The following CDH13 variants were observed in gnomAD, a reference collection of about 807,000 sequenced individuals.
CDH13 encodes the protein cadherin 13.
CDH13 carries 24 observed loss-of-function variants against 63.8 expected under a neutral mutation model. The observed-to-expected ratio is 0.38, with a 90% CI of 0.27 to 0.53. CDH13 has a LOEUF of 0.53. Among genes scored for constraint, CDH13 ranks in the 20% least tolerant of loss-of-function variants. CDH13 has a pLI of 0.85. For missense variants in CDH13, 1,049 were observed against 903.1 expected (o/e 1.16, Z -2.07); for synonymous variants, 503 against 355.3 (o/e 1.42, Z -4.67).
chr16:82,631,358 C>T (rs1032785266), intron 1 of CDH13, among the ~76,000 whole-genome samples: 6 of 152,132 alleles, frequency 3.9e-5, no homozygotes, highest in African/African-American at 1.4e-4. Context: ...GATAACCTTC[C>T]CCCTTACATA....
chr16:82,745,911 C>T (rs2034141462), intron 1 of CDH13, among the ~76,000 whole-genome samples: 1 of 152,022 alleles, frequency 6.6e-6, no homozygotes, highest in African/African-American at 2.4e-5. Flanking sequence ...TACCAAGTCA[C>T]TAATATTTTT....
chr16:82,667,007 G>GC (rs748170001), intron 1 of CDH13, among the ~76,000 whole-genome samples: 4 of 152,142 alleles, frequency 2.6e-5, no homozygotes, highest in Non-Finnish European at 5.9e-5. Context: ...TTGCCCTACT[G>GC]CTTGCAAGCC....
chr16:83,071,785 T>C (rs1490498159), intron 3 of CDH13, among the ~76,000 whole-genome samples: 1 of 152,190 alleles, frequency 6.6e-6, no homozygotes, highest in Non-Finnish European at 1.5e-5. Context: ...GGTGCATATA[T>C]AATAAATTTG....
intron 4 of CDH13, among the ~76,000 whole-genome samples, chr16:83,165,123 C>G (rs2037608907): frequency 1.3e-5 from 2 of 151,010 alleles, no homozygotes; most frequent in South Asian, 4.2e-4. Context: ...AAGGGGTTGT[C>G]CTGTAAGAAT....
Position 83,713,613 on chromosome 16 carries a change from T to C in CDH13, c.1539-34495T>C, listed in dbSNP as rs758720671. Reference sequence around the variant, plus strand: ...GTTCATCTATCGGCTGGGACTCTTTTAGTTAAAAAGGAAACCTAACTCAAA... The same window carrying C: ...GTTCATCTATCGGCTGGGACTCTTTCAGTTAAAAAGGAAACCTAACTCAAA... On this transcript the variant is annotated intron_variant, in intron 10 of 13. Coordinates refer to ENST00000567109, the MANE Select transcript of CDH13 (RefSeq NM_001257.5). 4.6e-5 allele frequency among the ~76,000 whole-genome samples: 7 copies of C among 152,204 alleles called. 1 individual carries two copies. Among genetic ancestry groups the C allele is most frequent in the Non-Finnish European group, 4.4e-5 (3 of 68,044 alleles).
intron 6 of CDH13, among the ~76,000 whole-genome samples, chr16:83,372,852 G>A (rs367566053): frequency 4.6e-5 from 7 of 151,644 alleles, no homozygotes; most frequent in African/African-American, 1.2e-4. Context: ...AGACTGACAA[G>A]TGATGGCGTT....
At chr16:83,659,010 A>G (rs1428551742) in intron 8 of CDH13, among the ~76,000 whole-genome samples, 1 of 133,632 alleles carries the variant, frequency 7.5e-6, no homozygotes, top group Non-Finnish European at 1.6e-5. Context: ...CCATGTCCTC[A>G]CCACCAGGTC....
intron 4 of CDH13, among the ~76,000 whole-genome samples, chr16:83,194,071 G>A (rs1048420957): frequency 6.6e-6 from 1 of 152,184 alleles, no homozygotes; most frequent in South Asian, 2.1e-4. Context: ...TAGTTTCAGT[G>A]ATTCTGTGCC....
chr16:83,263,027 C>T (rs535808746), intron 5 of CDH13, among the ~76,000 whole-genome samples: 1 of 152,174 alleles, frequency 6.6e-6, no homozygotes, highest in African/African-American at 2.4e-5. Flanking sequence ...ATTCTTAGAG[C>T]TTGGCAAACC....
chr16:83,423,681 G>T (rs1390034289), intron 6 of CDH13, among the ~76,000 whole-genome samples: 1 of 152,198 alleles, frequency 6.6e-6, no homozygotes, highest in East Asian at 1.9e-4. Context: ...GTCTGTTGCA[G>T]TGGAATTCTT....
intron 4 of CDH13, among the ~76,000 whole-genome samples, chr16:83,214,217 C>A (rs1000867308): frequency 2.0e-5 from 3 of 151,974 alleles, no homozygotes; most frequent in African/African-American, 7.3e-5. Context: ...TGCTTGGTGA[C>A]CCCTTCCCAC....
chr16:82,972,592 A>G (rs1908923679), intron 2 of CDH13, among the ~76,000 whole-genome samples: 1 of 152,160 alleles, frequency 6.6e-6, no homozygotes, highest in Non-Finnish European at 1.5e-5. Flanking sequence ...ATCCTATGGT[A>G]GCTGGGACGG....
At chr16:83,423,731 A>G (rs951567534) in intron 6 of CDH13, among the ~76,000 whole-genome samples, 1 of 152,238 alleles carries the variant, frequency 6.6e-6, no homozygotes, top group South Asian at 2.1e-4. Flanking sequence ...ATAAATATGT[A>G]GGATCAAAAC....
chr16:82,937,438 G>GAC (rs10626791), intron 2 of CDH13, among the ~76,000 whole-genome samples: 4,301 of 146,890 alleles, frequency 0.029, 78 homozygotes, highest in African/African-American at 0.056. Context: ...CACACACACA[G>GAC]ACACACACAC....
intron 1 of CDH13, among the ~76,000 whole-genome samples, chr16:82,730,672 A>C (rs1461749395): frequency 6.6e-6 from 1 of 152,210 alleles, no homozygotes; most frequent in Admixed American, 6.5e-5. Context: ...ACACCAATAC[A>C]CTTGCTCAAT....
intron 5 of CDH13, among the ~76,000 whole-genome samples, chr16:83,269,683 C>G (rs903446911): frequency 6.6e-6 from 1 of 152,154 alleles, no homozygotes; most frequent in African/African-American, 2.4e-5. Flanking sequence ...ACCATCTCTG[C>G]CCAGTACCCT....
chr16:83,470,776 C>G (rs886722992), intron 6 of CDH13, among the ~76,000 whole-genome samples: 1 of 152,184 alleles, frequency 6.6e-6, no homozygotes, highest in African/African-American at 2.4e-5. Flanking sequence ...ATAGACACCG[C>G]TAGTATGAGC....
chr16:83,557,283 C>A (rs1485037176), intron 7 of CDH13, among the ~76,000 whole-genome samples: 1 of 152,160 alleles, frequency 6.6e-6, no homozygotes, highest in Non-Finnish European at 1.5e-5. Flanking sequence ...ACAGATTCCA[C>A]ATTATGGCGA....
chr16:83,738,492 C>T (rs1314760341), intron 10 of CDH13, among the ~76,000 whole-genome samples: 1 of 152,236 alleles, frequency 6.6e-6, no homozygotes, highest in Non-Finnish European at 1.5e-5. Context: ...GAGGACCAAA[C>T]TAGCATTTCC....
Sources: gnomAD v4.1 joint callset for allele counts (sites outside exome capture counted in the v4.1 genomes callset) on GRCh38, gnomAD v4.1.1 for gene constraint, MANE v1.5 for transcripts, NCBI Gene and HGNC (gene_info 2026-07-23, HGNC 2026-07-21) for gene names.